The following CTSG variants were observed in gnomAD, a reference collection of about 807,000 sequenced individuals.
CTSG encodes the protein cathepsin G.
CTSG carries 23 observed loss-of-function variants against 23.0 expected under a neutral mutation model. That is an observed-to-expected ratio of 1.00 (90% CI 0.72 to 1.42). The LOEUF (loss-of-function observed/expected upper bound fraction) is 1.42, where lower values mean the gene tolerates loss of function less well. Among genes scored for constraint, CTSG ranks in the 40% most tolerant of loss-of-function variants. The pLI, the probability that CTSG is intolerant of heterozygous loss-of-function variation, is 0.00. For synonymous variants in CTSG, 140 were observed against 130.4 expected (o/e 1.07, Z -0.50); for missense variants, 312 against 326.2 (o/e 0.96, Z 0.33).
In CTSG at chr14:24,574,485, G is replaced by A; in HGVS notation, c.354C>T (p.Val118=). The change falls in exon 4 of 5, where the codon GTC becomes GTT. Residue 118 remains valine (V), a synonymous_variant. Transcript: ENST00000216336. ...CTGGGTTCACGTTTCGATTCCGTCT[G>A]ACTCTTCTGCTCAGCTGGAGGAAGA... ...DIMLLQLSRR[V]RRNRNVNPVA... The A allele has an allele frequency of 6.2e-7, 1 of 1,613,960 alleles. No individual in the cohort carries two copies. The highest frequency in any genetic ancestry group is 8.5e-7 in the Non-Finnish European group (1 of 1,180,016).
chr14:24,575,520 G>T, intron 1 of CTSG, 108 bp from the exon 2 acceptor site: 1 of 1,188,394 alleles, frequency 8.4e-7, no homozygotes. Flanking sequence ...AGGAGAGAGG[G>T]TGCAGGAGAG....
In CTSG at chr14:24,573,631, A is replaced by C. The variant is rs2066725492; in HGVS notation, c.*6T>G. 6.2e-7 allele frequency: 1 copy of C among 1,610,538 alleles called. No individual in the cohort carries two copies. Among genetic ancestry groups the C allele is most frequent in the African/African-American group, 1.3e-5 (1 of 74,660 alleles). On this transcript the variant is annotated 3_prime_UTR_variant, in exon 5 of 5. Coordinates refer to ENST00000216336, the MANE Select transcript of CTSG (RefSeq NM_001911.3). ...GCTGGCCTGTGTCCCCGAGAAGAAG[A>C]GTCAGTCACAGGGGGGTCTCCATCT...
rs1196821984 is a variant in CTSG at position 24,574,763 on chromosome 14, T to G, written c.251A>C (p.Asn84Thr). Residue 84 changes from asparagine to threonine, a missense_variant, in exon 3 of 5, where the codon AAC (asparagine) becomes ACC (threonine). Physicochemically the swap from Asn to Thr is moderately conservative, Grantham distance 65. Transcript: ENST00000216336. ...GCGCGCAGTGATGTGTTGCTGGGTG[T>G]TTTCCCGTCTCTGGATATTGTGGGC... ...LGAHNIQRRE[N>T]TQQHITARRA... 1.2e-6 allele frequency: 2 copies of G among 1,614,108 alleles called. No individual in the cohort carries two copies. Among genetic ancestry groups the G allele is most frequent in the Non-Finnish European group, 1.7e-6 (2 of 1,180,014 alleles).
At position 24,573,796 on chromosome 14, in the gene CTSG, G is replaced by A. The variant is rs2066726815; in HGVS notation, c.609C>T (p.Gly203=). 1 of 1,613,980 alleles carries A rather than the reference G, an allele frequency of 6.2e-7. No individual in the cohort carries two copies. The highest frequency in any genetic ancestry group is 8.5e-7 in the Non-Finnish European group (1 of 1,179,960). ...GGGCCACATTGTTACACAGCAGGGG[G>A]CCTCCGGAATCCCCCTGTAGGTAGA... ...RKAAFKGDSG[G]PLLCNNVAHG... is the part of the protein sequence containing the mutation. Residue 203 remains glycine (G), a synonymous_variant, in exon 5 of 5, where the codon GGC becomes GGT. Coordinates refer to ENST00000216336, the MANE Select transcript of CTSG (RefSeq NM_001911.3).
At chr14:24,576,135 G>T (rs528802049) in intron 1 of CTSG, 34 bp downstream of exon 1, 4 of 1,593,258 alleles carry the variant, frequency 2.5e-6, no homozygotes, top group Non-Finnish European at 3.4e-6. Context: ...TATGGGATGA[G>T]GTCAGGCCTC....
chr14:24,576,075 G>T lies in CTSG; in HGVS notation c.55+94C>A, dbSNP rs992202278. The T allele has an allele frequency of 5.1e-6, 5 of 974,026 alleles. No homozygotes were observed. In the African/African-American group the frequency reaches 6.5e-5, roughly 13 times the overall value. 60.3% of individuals were successfully genotyped at this position (974,026 alleles called of 1,614,324 possible). On this transcript the variant is annotated intron_variant, in intron 1 of 4. Coordinates refer to ENST00000216336, the MANE Select transcript of CTSG (RefSeq NM_001911.3). ...GAGGAAACACAAATTCAAATAACTT[G>T]CTCAACAGTACAGAATTAGGATATA... is the stretch of plus-strand genomic sequence containing the variant.
chr14:24,575,897 G>A (rs1358696212), intron 1 of CTSG, among the ~76,000 whole-genome samples: 1 of 152,158 alleles, frequency 6.6e-6, no homozygotes, highest in African/African-American at 2.4e-5. Context: ...CCTAGGTAGG[G>A]TCTGACACAT....
chr14:24,574,559 C>A, intron 3 of CTSG, 60 bp from the exon 4 acceptor site: 4 of 1,611,012 alleles, frequency 2.5e-6, no homozygotes, highest in Non-Finnish European at 3.4e-6. Context: ...GCTCGGGGGT[C>A]GCTGGTGCAG....
At chr14:24,574,949 CCT>C in intron 2 of CTSG, 139 bp from the exon 3 acceptor site, 1 of 1,112,262 alleles carries the variant, frequency 9.0e-7, no homozygotes, top group Non-Finnish European at 1.3e-6. Flanking sequence ...TCAGCTGTAT[CCT>C]CTTTCTCAGC....
Position 24,574,303 on chromosome 14 carries a change from T to C in CTSG, c.536A>G (p.Tyr179Cys). Residue 179 changes from tyrosine (Y) to cysteine (C), a missense_variant, in exon 4 of 5, where the codon TAC becomes TGC. Transcript: ENST00000216336. Reference protein sequence around the residue: ...DRQCLRIFGSYDPRRQICVGD... With the variant: ...DRQCLRIFGSCDPRRQICVGD... Reference sequence around the variant, plus strand: ...CACACAAATCTGCCTTCGGGGGTCGTAGGAACCGAAGATGCGGAGGCACTG... The same window carrying C: ...CACACAAATCTGCCTTCGGGGGTCGCAGGAACCGAAGATGCGGAGGCACTG... The C allele has an allele frequency of 1.9e-6, 3 of 1,601,410 alleles. No homozygotes were observed. Among genetic ancestry groups the C allele is most frequent in the Non-Finnish European group, 2.5e-6 (3 of 1,179,876 alleles).
chr14:24,575,501 G>T, intron 1 of CTSG, 89 bp from the exon 2 acceptor site: 1 of 1,419,890 alleles, frequency 7.0e-7, no homozygotes, highest in Non-Finnish European at 9.8e-7. Flanking sequence ...GCTGGAAGAT[G>T]GGGACGGCAG....
At position 24,574,310 on chromosome 14, in the gene CTSG, C is replaced by G. The variant is rs376311521; in HGVS notation, c.529G>C (p.Gly177Arg). Residue 177 changes from glycine (G) to arginine (R), a missense_variant, in exon 4 of 5, where the codon GGT becomes CGT. Gly to Arg is a moderately radical substitution (Grantham distance 125). Coordinates refer to ENST00000216336, the MANE Select transcript of CTSG (RefSeq NM_001911.3). ...ATCTGCCTTCGGGGGTCGTAGGAAC[C>G]GAAGATGCGGAGGCACTGCCTATCC... Reference protein sequence around the residue: ...QRDRQCLRIFGSYDPRRQICV... With the variant: ...QRDRQCLRIFRSYDPRRQICV... 6.2e-7 allele frequency: 1 copy of G among 1,602,166 alleles called. No homozygotes were observed. Among genetic ancestry groups the G allele is most frequent in the South Asian group, 1.1e-5 (1 of 91,072 alleles).
chr14:24,574,699 G>C lies in CTSG; in HGVS notation c.315C>G (p.Ile105Met), dbSNP rs1255989884. 1 of 1,614,220 alleles carries C rather than the reference G, an allele frequency of 6.2e-7. No individual in the cohort carries two copies. Among genetic ancestry groups the C allele is most frequent in the East Asian group, 2.2e-5 (1 of 44,876 alleles). ...IRHPQYNQRT[I>M]QNDIMLLQLS... ...CCTGCAATAACATGATGTCATTCTG[G>C]ATGGTCCGCTGATTATATTGAGGGT... Residue 105 changes from isoleucine to methionine, a missense_variant, in exon 3 of 5, where the codon ATC (isoleucine) becomes ATG (methionine). Transcript: ENST00000216336.
Position 24,576,158 on chromosome 14 carries a change from T to TG in CTSG, c.55+10dup. ...GAGGTCAGGCCTCTGAGGGTGGGGA[T>TG]GGTCACTCACCTGCCTCAGCCCCAG... On this transcript the variant is annotated intron_variant, in intron 1 of 4. Coordinates refer to ENST00000216336, the MANE Select transcript of CTSG (RefSeq NM_001911.3). 1.2e-6 allele frequency: 2 copies of TG among 1,607,520 alleles called. No individual in the cohort carries two copies. Among genetic ancestry groups the TG allele is most frequent in the Non-Finnish European group, 1.7e-6 (2 of 1,177,150 alleles).
intron 4 of CTSG, among the ~76,000 whole-genome samples, 196 bp from the exon 5 acceptor site, chr14:24,574,006 C>T (rs1404877005): frequency 6.6e-6 from 1 of 152,192 alleles, no homozygotes; most frequent in East Asian, 1.9e-4. Flanking sequence ...GCCTTAATTA[C>T]TGTCTCCAGC....
Position 24,574,808 on chromosome 14 carries a change from T to C in CTSG, c.206A>G (p.Asn69Ser). The C allele has an allele frequency of 1.2e-6, 2 of 1,613,590 alleles. No homozygotes were observed. Among genetic ancestry groups the C allele is most frequent in the South Asian group, 2.2e-5 (2 of 91,056 alleles). The change falls in exon 3 of 5, where the codon AAT (asparagine) becomes AGT (serine). Residue 69 changes from asparagine (N) to serine (S), a missense_variant and splice_region_variant. Physicochemically the swap from Asn to Ser is conservative, Grantham distance 46. Transcript: ENST00000216336. Reference sequence around the variant, plus strand: ...GTGGGCGCCCAGGGTGACATTTATATTGCTGCAAAAGCAAGAGGTAGGTCT... The same window carrying C: ...GTGGGCGCCCAGGGTGACATTTATACTGCTGCAAAAGCAAGAGGTAGGTCT... ...VLTAAHCWGS[N>S]INVTLGAHNI... is the part of the protein sequence containing the mutation.
intron 1 of CTSG, 117 bp downstream of exon 1, chr14:24,576,052 G>C (rs1372825296): frequency 2.5e-6 from 2 of 809,310 alleles, no homozygotes; most frequent in Non-Finnish European, 4.1e-6. Context: ...TTATAGATGA[G>C]GAAACACAAA....
intron 4 of CTSG, 73 bp from the exon 5 acceptor site, chr14:24,573,883 G>C: frequency 7.1e-7 from 1 of 1,405,018 alleles, no homozygotes; most frequent in Non-Finnish European, 9.8e-7. Context: ...CGGGCTCTCA[G>C]GGAAGGCAGG....
At position 24,574,101 on chromosome 14, in the gene CTSG, G is replaced by A. The variant is rs919579309; in HGVS notation, c.594+144C>T. 4 of 1,038,918 alleles carry A rather than the reference G, an allele frequency of 3.9e-6. No homozygotes were observed. The African/African-American group carries it at 4.8e-5, about 12-fold the overall frequency. The allele number at this position is 1,038,918 out of a possible 1,614,324, so 64.4% of individuals were successfully genotyped here. Reference sequence around the variant, plus strand: ...TGGGTCTTCCTCCTATTCCCCCAGAGACCAGGTTGATGGGGAAAACAATCC... The same window carrying A: ...TGGGTCTTCCTCCTATTCCCCCAGAAACCAGGTTGATGGGGAAAACAATCC... On this transcript the variant is annotated intron_variant, in intron 4 of 4. Coordinates refer to ENST00000216336, the MANE Select transcript of CTSG (RefSeq NM_001911.3).
Sources: allele counts gnomAD v4.1 joint callset (sites outside exome capture counted in the v4.1 genomes callset), GRCh38; gene constraint gnomAD v4.1.1; transcripts MANE v1.5; gene names NCBI Gene and HGNC (gene_info 2026-07-23, HGNC 2026-07-21).